Variants in TMEM245 observed in about 807,000 individuals in gnomAD.
The protein encoded by TMEM245 is transmembrane protein 245.
TMEM245 carries 69 observed loss-of-function variants against 101.2 expected under a neutral mutation model. The observed-to-expected ratio is 0.68, with a 90% CI of 0.56 to 0.83. The LOEUF is 0.83. TMEM245 is among the 40% of genes least tolerant of loss of function. The pLI is 0.00. For missense variants in TMEM245, 1,075 were observed against 1,092.8 expected (o/e 0.98, Z 0.23); for synonymous variants, 537 against 449.8 (o/e 1.19, Z -2.45).
chr9:109,083,925 A>AAAAAAAAAAAAAC lies in TMEM245; in HGVS notation c.1344+2071_1344+2072insGTTTTTTTTTTTT, dbSNP rs1554725114. On this transcript the variant is annotated intron_variant, in intron 7 of 17. Coordinates refer to ENST00000374586, the MANE Select transcript of TMEM245 (RefSeq NM_032012.4). ...ACAAAAAAAAAAAAAAAAAAAAAAA[A>AAAAAAAAAAAAAC]AAAACACCAGGCATGGTGGTGCACA... Among the ~76,000 whole-genome samples, 6 of 140,874 alleles carry AAAAAAAAAAAAAC rather than the reference A, an allele frequency of 4.3e-5. No individual in the cohort carries two copies. The East Asian group carries it at 6.9e-4, about 16-fold the overall frequency. 92.4% of individuals were successfully genotyped at this position (140,874 alleles called of 152,430 possible).
chr9:109,106,476 G>C, intron 3 of TMEM245, 32 bp downstream of exon 3: 1 of 1,387,692 alleles, frequency 7.2e-7, no homozygotes, highest in Non-Finnish European at 1.0e-6. Flanking sequence ...ATACTTCAAA[G>C]AGTAGTATTA....
At chr9:109,087,134 AAC>A (rs767631955) in intron 6 of TMEM245, 37 bp downstream of exon 6, 2 of 1,542,024 alleles carry the variant, frequency 1.3e-6, no homozygotes, top group Admixed American at 4.4e-5. Flanking sequence ...GAAATATATT[AAC>A]TCCATTAAGA....
At chr9:109,079,243 T>C (rs1276949207) in intron 8 of TMEM245, among the ~76,000 whole-genome samples, 2 of 152,066 alleles carry the variant, frequency 1.3e-5, no homozygotes, top group African/African-American at 4.8e-5. Flanking sequence ...TGGAAAGGAA[T>C]TACCTGACTT....
At chr9:109,073,991 G>C (rs1335508084) in intron 8 of TMEM245, among the ~76,000 whole-genome samples, 1 of 151,700 alleles carries the variant, frequency 6.6e-6, no homozygotes. Flanking sequence ...CTCCTGAGTA[G>C]CTGGGATTAC....
chr9:109,085,947 G>A (rs779509068), intron 7 of TMEM245, 50 bp downstream of exon 7: 2 of 1,589,832 alleles, frequency 1.3e-6, no homozygotes, highest in South Asian at 1.1e-5. Context: ...GGCGATACAG[G>A]GGCATTACGG....
At chr9:109,065,955 A>G (rs944572763) in intron 9 of TMEM245, among the ~76,000 whole-genome samples, 2 of 152,194 alleles carry the variant, frequency 1.3e-5, no homozygotes, top group African/African-American at 4.8e-5. Flanking sequence ...TCATAAAGAG[A>G]AAGTCAGTTG....
chr9:109,112,963 C>A (rs1830607602), intron 1 of TMEM245, among the ~76,000 whole-genome samples: 1 of 152,082 alleles, frequency 6.6e-6, no homozygotes, highest in African/African-American at 2.4e-5. Flanking sequence ...GTAGTCCCAG[C>A]CACTCGGGAG....
At chr9:109,118,644 GGGA>G (rs1477213377) in intron 1 of TMEM245, among the ~76,000 whole-genome samples, 1 of 152,200 alleles carries the variant, frequency 6.6e-6, no homozygotes, top group Non-Finnish European at 1.5e-5. Flanking sequence ...TACTCCAGGC[GGGA>G]GGAGGTGTGC....
rs1167441719 is a variant in TMEM245 at position 109,019,895 on chromosome 9, AC to A, written c.*564del. The A allele has an allele frequency of 6.6e-6, 1 of 152,244 alleles. No individual in the cohort carries two copies. The highest frequency in any genetic ancestry group is 1.5e-5 in the Non-Finnish European group (1 of 68,092). 9.4% of individuals were successfully genotyped at this position (152,244 alleles called of 1,614,324 possible). On this transcript the variant is annotated 3_prime_UTR_variant, in exon 18 of 18. Coordinates refer to ENST00000374586, the MANE Select transcript of TMEM245 (RefSeq NM_032012.4). ...TATAAAACTGAACATCAAATAAGCC[AC>A]CCCACCCTTATACTTATGATTTATT...
At chr9:109,051,369 C>G (rs960374394) in intron 12 of TMEM245, among the ~76,000 whole-genome samples, 1 of 149,964 alleles carries the variant, frequency 6.7e-6, no homozygotes, top group African/African-American at 2.5e-5. Context: ...AAATCGCAAG[C>G]AGAGAAAAAA....
Position 109,119,538 on chromosome 9 carries a change from G to A in TMEM245, c.376C>T (p.Leu126=), listed in dbSNP as rs776706952. 6.5e-7 allele frequency: 1 copy of A among 1,531,158 alleles called. No individual in the cohort carries two copies. The highest frequency in any genetic ancestry group is 1.2e-5 in the South Asian group (1 of 83,418). The allele number at this position is 1,531,158 out of a possible 1,614,324, so 94.8% of individuals were successfully genotyped here. Residue 126 remains leucine, a synonymous_variant, in exon 1 of 18, where the codon CTG becomes TTG. Transcript: ENST00000374586. ...CCGTAGTCGACGAAGCAGAGCGGCA[G>A]GAGCAGCGCGGCCAGGACGATGGGC... The part of the protein sequence containing the change: ...HTPIVLAALL[L]PLCFVDYGVE...
At chr9:109,052,383 A>AG (rs1260001756) in intron 12 of TMEM245, among the ~76,000 whole-genome samples, 1 of 152,270 alleles carries the variant, frequency 6.6e-6, no homozygotes, top group East Asian at 1.9e-4. Flanking sequence ...ACTAGAGCTT[A>AG]GAGCTTAAAT....
In TMEM245 at chr9:109,106,546, C is replaced by A. The variant is rs1830429684; in HGVS notation, c.761G>T (p.Gly254Val). 1 of 1,612,110 alleles carries A rather than the reference C, an allele frequency of 6.2e-7. No homozygotes were observed. The highest frequency in any genetic ancestry group is 8.5e-7 in the Non-Finnish European group (1 of 1,178,846). Reference sequence around the variant, plus strand: ...TCCATTCTGTTTTTCATAGAGGGTACCCACAGACATCAGGAAAACAATAAC... The same window carrying A: ...TCCATTCTGTTTTTCATAGAGGGTAACCACAGACATCAGGAAAACAATAAC... ...FLVIVFLMSVGTLYEKQNGKE... is the reference protein window; with the variant it reads ...FLVIVFLMSVVTLYEKQNGKE... Residue 254 changes from glycine (G) to valine (V), a missense_variant, in exon 3 of 18, where the codon GGT becomes GTT. Gly to Val is a moderately radical substitution (Grantham distance 109). This residue lies in a region of TMEM245 where 808 missense variants were observed against 741.5 expected (regional missense o/e 1.09). Transcript: ENST00000374586.
chr9:109,031,805 T>C (rs754611401), intron 17 of TMEM245, among the ~76,000 whole-genome samples: 4 of 152,200 alleles, frequency 2.6e-5, no homozygotes, highest in African/African-American at 4.8e-5. Flanking sequence ...TATAAGACAA[T>C]TGAGAAAAAT....
rs899081185 is a variant in TMEM245 at position 109,015,585 on chromosome 9, A to C, written c.*4875T>G. 6.5e-6 allele frequency: 1 copy of C among 152,758 alleles called. No individual in the cohort carries two copies. Among genetic ancestry groups the C allele is most frequent in the African/African-American group, 2.4e-5 (1 of 41,572 alleles). 9.5% of individuals were successfully genotyped at this position (152,758 alleles called of 1,614,324 possible). On this transcript the variant is annotated 3_prime_UTR_variant, in exon 18 of 18. Coordinates refer to ENST00000374586, the MANE Select transcript of TMEM245 (RefSeq NM_032012.4). ...CTTCCATACTTTTCACTGTAAAATAAAAAGCTAGCAAAAAGCTAGTAAGAA... is the reference window on the plus strand; with the variant it reads ...CTTCCATACTTTTCACTGTAAAATACAAAGCTAGCAAAAAGCTAGTAAGAA...
At chr9:109,053,153 C>T (rs146327043) in intron 12 of TMEM245, among the ~76,000 whole-genome samples, 106 of 152,226 alleles carry the variant, frequency 7.0e-4, no homozygotes, top group South Asian at 1.9e-3. Context: ...AGGCTGGGTG[C>T]GGTGGCTCAC....
intron 10 of TMEM245, among the ~76,000 whole-genome samples, chr9:109,063,103 G>C (rs1418602143): frequency 1.3e-5 from 2 of 152,092 alleles, no homozygotes; most frequent in Non-Finnish European, 2.9e-5. Flanking sequence ...TCTAATTTGA[G>C]GTAAACAAGC....
chr9:109,074,732 CCAGAA>C (rs756761367), intron 8 of TMEM245, among the ~76,000 whole-genome samples: 6 of 152,048 alleles, frequency 3.9e-5, no homozygotes, highest in Non-Finnish European at 8.8e-5. Context: ...ACATACCAAC[CCAGAA>C]CAGAACAGAG....
intron 3 of TMEM245, among the ~76,000 whole-genome samples, chr9:109,102,712 CCTTTT>C (rs1217516856): frequency 6.6e-6 from 1 of 152,176 alleles, no homozygotes; most frequent in Non-Finnish European, 1.5e-5. Context: ...TTAGTTTCTT[CCTTTT>C]GTTTCTCTGT....
Sources: gnomAD v4.1 joint callset for allele counts (sites outside exome capture counted in the v4.1 genomes callset) on GRCh38, gnomAD v4.1.1 for gene constraint, gnomAD v4.1.1 regional missense constraint, MANE v1.5 for transcripts, NCBI Gene and HGNC (gene_info 2026-07-23, HGNC 2026-07-21) for gene names.